NEGR1: variants seen among roughly 807,000 people sequenced by gnomAD.
NEGR1 encodes neuronal growth regulator 1.
A neutral mutation model predicts 40.9 loss-of-function variants in NEGR1; 10 were observed. The ratio of observed to expected loss-of-function variants is 0.24; its 90% confidence interval spans 0.15 to 0.42. NEGR1 has a LOEUF of 0.42. Among genes scored for constraint, NEGR1 ranks in the 10% least tolerant of loss-of-function variants. NEGR1 has a pLI of 1.00. For synonymous variants in NEGR1, 185 were observed against 166.8 expected (o/e 1.11, Z -0.84); for missense variants, 352 against 438.9 (o/e 0.80, Z 1.77).
intron 1 of NEGR1, among the ~76,000 whole-genome samples, chr1:72,126,982 G>A (rs1052236736): frequency 3.9e-5 from 6 of 152,154 alleles, no homozygotes; most frequent in African/African-American, 7.2e-5. Context: ...TTTCCCTGGA[G>A]GGAGTCACTA....
At chr1:71,834,236 T>C (rs556448006) in intron 2 of NEGR1, among the ~76,000 whole-genome samples, 3 of 152,238 alleles carry the variant, frequency 2.0e-5, no homozygotes, top group East Asian at 3.9e-4. Flanking sequence ...ACTGGTATGA[T>C]GGTTATTTTT....
chr1:71,748,376 G>C (rs1655456049), intron 3 of NEGR1, among the ~76,000 whole-genome samples: 1 of 152,018 alleles, frequency 6.6e-6, no homozygotes, highest in Non-Finnish European at 1.5e-5. Context: ...CATACAAATA[G>C]GTCTGCATGA....
At chr1:71,991,820 C>G (rs747134167) in intron 1 of NEGR1, among the ~76,000 whole-genome samples, 1 of 152,168 alleles carries the variant, frequency 6.6e-6, no homozygotes, top group Non-Finnish European at 1.5e-5. Context: ...GAGACAGAGC[C>G]TTGCTCTGTG....
intron 1 of NEGR1, among the ~76,000 whole-genome samples, chr1:72,077,641 TAA>T (rs1491327323): frequency 1.3e-5 from 2 of 150,256 alleles, no homozygotes; most frequent in Non-Finnish European, 1.5e-5. Context: ...AATAAATAAA[TAA>T]ATAAATAAAT....
intron 1 of NEGR1, among the ~76,000 whole-genome samples, chr1:72,180,916 A>G (rs1652343493): frequency 6.6e-6 from 1 of 151,906 alleles, no homozygotes; most frequent in South Asian, 2.1e-4. Flanking sequence ...TTTTTTCTAT[A>G]GCTTCCTCCT....
At chr1:72,078,066 T>G (rs955947523) in intron 1 of NEGR1, among the ~76,000 whole-genome samples, 4 of 152,200 alleles carry the variant, frequency 2.6e-5, no homozygotes, top group Admixed American at 2.0e-4. Context: ...AACATTGTCT[T>G]GGTTCAAGAA....
chr1:71,860,233 T>C (rs564198257), intron 2 of NEGR1, among the ~76,000 whole-genome samples: 1 of 151,520 alleles, frequency 6.6e-6, no homozygotes, highest in South Asian at 2.1e-4. Context: ...AAAGGGGGAG[T>C]TTGTAAGAGA....
chr1:71,668,676 C>G (rs1056367752), intron 4 of NEGR1, among the ~76,000 whole-genome samples: 2 of 151,938 alleles, frequency 1.3e-5, no homozygotes, highest in Non-Finnish European at 2.9e-5. Flanking sequence ...CATCAGATAT[C>G]TAGATGACAA....
chr1:71,824,142 A>G (rs1424247119), intron 2 of NEGR1, among the ~76,000 whole-genome samples: 1 of 152,014 alleles, frequency 6.6e-6, no homozygotes, highest in African/African-American at 2.4e-5. Context: ...GTACACAGAA[A>G]AAAAAATTGG....
chr1:71,780,040 CAAAAAAAAAAAAAAA>C (rs57576840), intron 2 of NEGR1, among the ~76,000 whole-genome samples: 10 of 99,732 alleles, frequency 1.0e-4, no homozygotes, highest in African/African-American at 4.7e-4. Context: ...ATAGGAAAAC[CAAAAAAAAAAAAAAA>C]AAAAAAAAAA....
At chr1:71,942,693 G>A (rs1042022284) in intron 1 of NEGR1, among the ~76,000 whole-genome samples, 2 of 138,008 alleles carry the variant, frequency 1.4e-5, no homozygotes, top group African/African-American at 2.7e-5. Context: ...TAGTAGAGAC[G>A]GGGTTTCACC....
intron 3 of NEGR1, among the ~76,000 whole-genome samples, chr1:71,699,385 T>C (rs1314914577): frequency 6.6e-6 from 1 of 151,842 alleles, no homozygotes; most frequent in African/African-American, 2.4e-5. Context: ...CTTTAGTGTT[T>C]AGAATATATA....
intron 2 of NEGR1, among the ~76,000 whole-genome samples, chr1:71,830,830 A>G (rs1658814010): frequency 6.6e-6 from 1 of 151,926 alleles, no homozygotes; most frequent in African/African-American, 2.4e-5. Context: ...AGTATTCATT[A>G]CATGCCATAA....
intron 6 of NEGR1, among the ~76,000 whole-genome samples, chr1:71,444,828 A>AAC (rs945794738): frequency 6.6e-6 from 1 of 152,220 alleles, no homozygotes; most frequent in Non-Finnish European, 1.5e-5. Flanking sequence ...AGTACAATAT[A>AAC]ACACAGTTTT....
intron 2 of NEGR1, among the ~76,000 whole-genome samples, chr1:71,821,557 G>A (rs539390520): frequency 4.9e-4 from 74 of 152,042 alleles, no homozygotes; most frequent in African/African-American, 1.6e-3. Context: ...GAGTAGAAAG[G>A]GCTCTGAAGA....
chr1:71,647,110 T>C (rs1370991211), intron 4 of NEGR1, among the ~76,000 whole-genome samples: 1 of 151,790 alleles, frequency 6.6e-6, no homozygotes, highest in Non-Finnish European at 1.5e-5. Flanking sequence ...GAGAGAATTC[T>C]TTATATTGGC....
At chr1:71,474,737 A>C (rs1394378006) in intron 6 of NEGR1, among the ~76,000 whole-genome samples, 1 of 135,294 alleles carries the variant, frequency 7.4e-6, no homozygotes, top group African/African-American at 2.8e-5. Context: ...AAAAAAAAAA[A>C]ACAAAAAAAC....
At chr1:71,797,334 T>C (rs1657375659) in intron 2 of NEGR1, among the ~76,000 whole-genome samples, 1 of 152,178 alleles carries the variant, frequency 6.6e-6, no homozygotes, top group African/African-American at 2.4e-5. Flanking sequence ...ATTTAGTATA[T>C]TAAACATGCT....
chr1:71,470,321 T>C (rs1646773991), intron 6 of NEGR1, among the ~76,000 whole-genome samples: 1 of 152,128 alleles, frequency 6.6e-6, no homozygotes, highest in Admixed American at 6.6e-5. Flanking sequence ...TTTTAGGTAC[T>C]TTGTAGCTTA....
Sources: gnomAD v4.1 joint callset for allele counts (sites outside exome capture counted in the v4.1 genomes callset) on GRCh38, gnomAD v4.1.1 for gene constraint, MANE v1.5 for transcripts, NCBI Gene and HGNC (gene_info 2026-07-23, HGNC 2026-07-21) for gene names.